Variants in FOXP1 observed in about 807,000 individuals in gnomAD.
FOXP1 encodes the protein forkhead box P1.
In FOXP1, 15 loss-of-function variants were observed where a neutral mutation model predicts 98.2. The observed-to-expected ratio is 0.15, with a 90% confidence interval of 0.10 to 0.24. The LOEUF is 0.24. FOXP1 is among the 10% of genes least tolerant of loss of function. The pLI, the probability that FOXP1 is intolerant of heterozygous loss-of-function variation, is 1.00. For synonymous variants in FOXP1, 371 were observed against 314.5 expected (o/e 1.18, Z -1.90); for missense variants, 633 against 848.5 (o/e 0.75, Z 3.15).
intron 12 of FOXP1, among the ~76,000 whole-genome samples, chr3:71,007,080 G>A (rs1001685673): frequency 2.6e-5 from 4 of 152,040 alleles, no homozygotes; most frequent in Admixed American, 2.6e-4. Context: ...CCTAAGCAAT[G>A]TCAGAAAGGT....
intron 5 of FOXP1, among the ~76,000 whole-genome samples, chr3:71,298,338 G>A (rs982612649): frequency 7.2e-5 from 11 of 152,090 alleles, no homozygotes; most frequent in African/African-American, 2.7e-4. Flanking sequence ...GATGGCGACT[G>A]CCTGTAATCC....
At chr3:71,528,060 A>G (rs1402357954) in intron 2 of FOXP1, among the ~76,000 whole-genome samples, 1 of 152,214 alleles carries the variant, frequency 6.6e-6, no homozygotes, top group African/African-American at 2.4e-5. Context: ...TTGTGTATAG[A>G]TGGTTTATTG....
At chr3:71,320,403 C>T (rs1010659221) in intron 4 of FOXP1, among the ~76,000 whole-genome samples, 4 of 151,760 alleles carry the variant, frequency 2.6e-5, no homozygotes, top group Non-Finnish European at 5.9e-5. Flanking sequence ...ACATACACAC[C>T]CTGTACAGTC....
Position 71,279,627 on chromosome 3 carries a change from A to G in FOXP1, c.-12+20193T>C, listed in dbSNP as rs2071297855. On this transcript the variant is annotated intron_variant, in intron 5 of 20. Coordinates refer to ENST00000649528, the MANE Select transcript of FOXP1 (RefSeq NM_001349338.3). ...TGCATATACAAGCTTTTTGTATACA[A>G]TCTCGTGTATCCAACCAAGTAGAAA... 2.0e-5 allele frequency among the ~76,000 whole-genome samples: 3 copies of G among 152,292 alleles called. 1 individual carries two copies. In the South Asian group the frequency reaches 6.2e-4, roughly 32 times the overall value.
At chr3:71,125,971 T>C (rs2059140136) in intron 6 of FOXP1, among the ~76,000 whole-genome samples, 1 of 152,192 alleles carries the variant, frequency 6.6e-6, no homozygotes, top group South Asian at 2.1e-4. Flanking sequence ...GAACTGAAAG[T>C]ACCTATGTCA....
Position 71,447,273 on chromosome 3 carries a change from CTA to C in FOXP1, c.-168+46151_-168+46152del, listed in dbSNP as rs1457960921. ...AAGAATGACTGTTTAAATTTAGCCACTATGTTTCCAGGCCCCTCTGCCTTACA... is the reference window on the plus strand; with the variant it reads ...AAGAATGACTGTTTAAATTTAGCCACTGTTTCCAGGCCCCTCTGCCTTACA... On this transcript the variant is annotated intron_variant, in intron 3 of 20. Coordinates refer to ENST00000649528, the MANE Select transcript of FOXP1 (RefSeq NM_001349338.3). Among the ~76,000 whole-genome samples, 3 of 152,240 alleles carry C rather than the reference CTA, an allele frequency of 2.0e-5. No individual in the cohort carries two copies. In the East Asian group the frequency reaches 5.8e-4, roughly 29 times the overall value.
chr3:71,396,164 C>T (rs1005120270), intron 3 of FOXP1, among the ~76,000 whole-genome samples: 1 of 152,050 alleles, frequency 6.6e-6, no homozygotes, highest in Admixed American at 6.5e-5. Context: ...AACTCTGCTA[C>T]CGGACTACAC....
chr3:71,243,661 T>C (rs984452559), intron 5 of FOXP1, among the ~76,000 whole-genome samples: 6 of 152,190 alleles, frequency 3.9e-5, no homozygotes, highest in Non-Finnish European at 8.8e-5. Context: ...AACTGAAAAC[T>C]GTAGAAAGAA....
At chr3:70,972,344 C>T in intron 18 of FOXP1, 1 of 877,888 alleles carries the variant, frequency 1.1e-6, no homozygotes, top group South Asian at 1.6e-5. Flanking sequence ...CTAAAAGCTA[C>T]TAGCATGTGA....
intron 8 of FOXP1, 105 bp downstream of exon 8, chr3:71,053,531 C>T: frequency 2.8e-6 from 4 of 1,419,626 alleles, no homozygotes; most frequent in Non-Finnish European, 4.0e-6. Flanking sequence ...CTTTACTCTT[C>T]ACTGAGCAAA....
intron 2 of FOXP1, among the ~76,000 whole-genome samples, chr3:71,560,243 A>T (rs2046435057): frequency 6.6e-6 from 1 of 152,216 alleles, no homozygotes; most frequent in African/African-American, 2.4e-5. Context: ...GTGTAATGTG[A>T]CTACGATTGA....
intron 4 of FOXP1, among the ~76,000 whole-genome samples, chr3:71,303,925 G>A (rs760166392): frequency 6.6e-6 from 1 of 152,180 alleles, no homozygotes; most frequent in African/African-American, 2.4e-5. Flanking sequence ...TGAGACCAGA[G>A]GCAAACTTGG....
intron 7 of FOXP1, among the ~76,000 whole-genome samples, chr3:71,065,122 A>C (rs1278851288): frequency 1.3e-5 from 2 of 150,252 alleles, no homozygotes; most frequent in African/African-American, 4.9e-5. Context: ...GGCAGGTGAA[A>C]TCACGCTCGG....
At chr3:71,514,221 G>T (rs934431504) in intron 2 of FOXP1, among the ~76,000 whole-genome samples, 7 of 151,992 alleles carry the variant, frequency 4.6e-5, no homozygotes, top group African/African-American at 1.5e-4. Context: ...CCAACCATAG[G>T]GTCTTTGATT....
At chr3:71,545,251 G>A (rs1671805203) in intron 2 of FOXP1, among the ~76,000 whole-genome samples, 1 of 152,180 alleles carries the variant, frequency 6.6e-6, no homozygotes, top group African/African-American at 2.4e-5. Flanking sequence ...AGTTGAGTAA[G>A]TGACCTTGGG....
intron 13 of FOXP1, among the ~76,000 whole-genome samples, chr3:70,995,358 G>T (rs558799297): frequency 1.3e-5 from 2 of 152,268 alleles, no homozygotes; most frequent in South Asian, 4.1e-4. Flanking sequence ...CTGTCATGGT[G>T]GGGGTGGAGG....
intron 3 of FOXP1, among the ~76,000 whole-genome samples, chr3:71,371,550 C>T (rs1339164470): frequency 1.3e-5 from 2 of 152,206 alleles, no homozygotes; most frequent in Non-Finnish European, 1.5e-5. Flanking sequence ...TTTTGTGAGC[C>T]TGAGGCAGGA....
At chr3:70,959,459 A>G in intron 20 of FOXP1, 68 bp from the exon 21 acceptor site, 1 of 1,588,502 alleles carries the variant, frequency 6.3e-7, no homozygotes, top group Admixed American at 1.7e-5. Flanking sequence ...TGCACTGAAA[A>G]GTTTGGGGCA....
intron 20 of FOXP1, among the ~76,000 whole-genome samples, chr3:70,962,901 T>C (rs115310623): frequency 0.028 from 4,213 of 152,296 alleles, 81 homozygotes; most frequent in South Asian, 0.043. Flanking sequence ...ATCCAAAAAA[T>C]CAGGTGCATG....
Sources: gnomAD v4.1 joint callset for allele counts (sites outside exome capture counted in the v4.1 genomes callset) on GRCh38, gnomAD v4.1.1 for gene constraint, MANE v1.5 for transcripts, NCBI Gene and HGNC (gene_info 2026-07-23, HGNC 2026-07-21) for gene names.